TMEM163: variants seen among roughly 807,000 people sequenced by gnomAD.
TMEM163 encodes transmembrane protein 163.
Under a neutral mutation model 29.3 loss-of-function variants are expected in TMEM163, and 17 were observed. The observed-to-expected ratio is 0.58, with a 90% confidence interval of 0.40 to 0.87. The LOEUF is 0.87. Ranked by LOEUF, TMEM163 falls within the 40% of genes least tolerant of loss-of-function variation. The pLI is 0.00. For synonymous variants in TMEM163, 157 were observed against 160.6 expected, an observed-to-expected ratio of 0.98 and a Z score of 0.17; for missense variants, 303 against 381.5, an observed-to-expected ratio of 0.79 and a Z score of 1.71.
intron 1 of TMEM163, among the ~76,000 whole-genome samples, chr2:134,713,919 C>CT (rs34059340): frequency 6.6e-6 from 1 of 152,216 alleles, no homozygotes; most frequent in Non-Finnish European, 1.5e-5. Context: ...TCCTTCCCTC[C>CT]TTTTTCTGCT....
intron 2 of TMEM163, among the ~76,000 whole-genome samples, chr2:134,692,043 A>C (rs1458078559): frequency 6.6e-6 from 1 of 152,178 alleles, no homozygotes; most frequent in Non-Finnish European, 1.5e-5. Flanking sequence ...AAGTGTCCTC[A>C]TAAGAGACAG....
intron 4 of TMEM163, among the ~76,000 whole-genome samples, chr2:134,504,281 T>A (rs1342083291): frequency 1.3e-5 from 2 of 152,182 alleles, no homozygotes; most frequent in Non-Finnish European, 2.9e-5. Flanking sequence ...GTGTAGGTTT[T>A]ATTCCTTCAA....
At chr2:134,652,186 G>T (rs1683495600) in intron 2 of TMEM163, among the ~76,000 whole-genome samples, 1 of 101,594 alleles carries the variant, frequency 9.8e-6, no homozygotes, top group Non-Finnish European at 2.0e-5. Context: ...AGCATGCAAT[G>T]TTCTTCCATT....
At chr2:134,477,218 A>C (rs1378610502) in intron 5 of TMEM163, among the ~76,000 whole-genome samples, 2 of 152,190 alleles carry the variant, frequency 1.3e-5, no homozygotes, top group Non-Finnish European at 2.9e-5. Context: ...AGCACTATGC[A>C]GGAGGTACTG....
intron 2 of TMEM163, among the ~76,000 whole-genome samples, chr2:134,571,446 A>C (rs935196123): frequency 1.3e-5 from 2 of 152,178 alleles, no homozygotes; most frequent in Non-Finnish European, 2.9e-5. Context: ...CAAACACCTG[A>C]AATACAGAAA....
At chr2:134,466,534 G>A in intron 5 of TMEM163, 1 of 271,494 alleles carries the variant, frequency 3.7e-6, no homozygotes, top group Non-Finnish European at 7.1e-6. Context: ...TAACAGAGTT[G>A]GTCAGAATGC....
At chr2:134,466,645 T>C in intron 5 of TMEM163, 1 of 165,138 alleles carries the variant, frequency 6.1e-6, no homozygotes, top group Non-Finnish European at 1.3e-5. Flanking sequence ...CTAACAATCC[T>C]TCAACAGAGC....
intron 2 of TMEM163, among the ~76,000 whole-genome samples, chr2:134,606,028 G>A (rs769566973): frequency 1.1e-4 from 16 of 152,224 alleles, no homozygotes; most frequent in Non-Finnish European, 1.9e-4. Context: ...TTGAGTATAC[G>A]CGGGGGGCAG....
intron 4 of TMEM163, among the ~76,000 whole-genome samples, chr2:134,517,851 T>C (rs1221271155): frequency 6.6e-6 from 1 of 152,234 alleles, no homozygotes; most frequent in Non-Finnish European, 1.5e-5. Context: ...TAGGTATTAT[T>C]TACCCACTGG....
intron 5 of TMEM163, among the ~76,000 whole-genome samples, chr2:134,489,922 TG>T (rs1679393453): frequency 1.3e-5 from 2 of 152,242 alleles, no homozygotes; most frequent in Admixed American, 6.5e-5. Context: ...GAACTCCTCC[TG>T]GTTATATCCC....
At chr2:134,692,789 C>A (rs895635863) in intron 2 of TMEM163, among the ~76,000 whole-genome samples, 2 of 152,156 alleles carry the variant, frequency 1.3e-5, no homozygotes, top group Non-Finnish European at 2.9e-5. Context: ...CAAAGCCTCC[C>A]CCTCCAAATA....
At chr2:134,490,210 A>G (rs191497814) in intron 5 of TMEM163, among the ~76,000 whole-genome samples, 67 of 152,300 alleles carry the variant, frequency 4.4e-4, no homozygotes, top group Non-Finnish European at 2.9e-4. Context: ...GGGGCATTCA[A>G]AATGGGGTCG....
intron 2 of TMEM163, among the ~76,000 whole-genome samples, chr2:134,659,844 G>A (rs1683708819): frequency 6.6e-6 from 1 of 152,020 alleles, no homozygotes; most frequent in Admixed American, 6.6e-5. Context: ...GGCTGAAGAG[G>A]GAGGGTCCCT....
At chr2:134,494,756 C>A (rs1233568857) in intron 5 of TMEM163, among the ~76,000 whole-genome samples, 4 of 152,162 alleles carry the variant, frequency 2.6e-5, no homozygotes, top group Non-Finnish European at 5.9e-5. Context: ...GAAACTGAGG[C>A]AGAGAGAGAT....
intron 2 of TMEM163, among the ~76,000 whole-genome samples, chr2:134,630,321 C>G (rs60089621): frequency 0.044 from 6,474 of 148,690 alleles, 474 homozygotes; most frequent in African/African-American, 0.15. Flanking sequence ...CAGTGCCACA[C>G]AATAAGCCTA....
intron 2 of TMEM163, among the ~76,000 whole-genome samples, chr2:134,583,613 C>T (rs370307528): frequency 2.6e-5 from 4 of 152,286 alleles, no homozygotes; most frequent in East Asian, 3.9e-4. Flanking sequence ...ATGGAGTTCT[C>T]GGAAAAGGGG....
In TMEM163 at chr2:134,587,029, CATCTGTGAGTCCT is replaced by C. The variant is rs1019094234; in HGVS notation, c.323-34951_323-34939del. ...AGGGTAAATCTTGGACTTAAGATCT[CATCTGTGAGTCCT>C]GAGAAGCCATGGCCTTTAAAGTCCT... On this transcript the variant is annotated intron_variant, in intron 2 of 7. Transcript: ENST00000281924. 7.9e-5 allele frequency among the ~76,000 whole-genome samples: 12 copies of C among 151,996 alleles called. 1 individual carries two copies. The East Asian group carries it at 1.6e-3, about 20-fold the overall frequency.
chr2:134,569,364 C>T (rs1002067775), intron 2 of TMEM163, among the ~76,000 whole-genome samples: 64 of 152,190 alleles, frequency 4.2e-4, no homozygotes, highest in African/African-American at 1.2e-3. Context: ...CACAGTGGGC[C>T]CCTCATCCCA....
At chr2:134,681,515 C>G (rs1156363549) in intron 2 of TMEM163, among the ~76,000 whole-genome samples, 2 of 152,120 alleles carry the variant, frequency 1.3e-5, no homozygotes, top group Admixed American at 6.5e-5. Context: ...CTCTACCCCC[C>G]ACTCTTTCTC....
Sources: allele counts gnomAD v4.1 joint callset (sites outside exome capture counted in the v4.1 genomes callset), GRCh38; gene constraint gnomAD v4.1.1; transcripts MANE v1.5; gene names NCBI Gene and HGNC (gene_info 2026-07-23, HGNC 2026-07-21).